Variants in SNTG1 observed in about 807,000 individuals in gnomAD.
SNTG1 encodes the protein syntrophin gamma 1.
SNTG1 carries 39 observed loss-of-function variants against 74.7 expected under a neutral mutation model. The ratio of observed to expected loss-of-function variants is 0.52; its 90% CI spans 0.40 to 0.68. The LOEUF (loss-of-function observed/expected upper bound fraction) is 0.68, where lower values mean the gene tolerates loss of function less well. Ranked by LOEUF, SNTG1 falls within the 30% of genes least tolerant of loss-of-function variation. The pLI is 0.00. For missense variants in SNTG1, 685 were observed against 609.5 expected (o/e 1.12, Z -1.30); for synonymous variants, 254 against 217.1 (o/e 1.17, Z -1.49).
At chr8:50,437,568 G>A (rs1055068875) in intron 4 of SNTG1, among the ~76,000 whole-genome samples, 9 of 152,116 alleles carry the variant, frequency 5.9e-5, no homozygotes, top group African/African-American at 1.9e-4. Flanking sequence ...AAGAAAGAGG[G>A]CAGTATTTAC....
intron 9 of SNTG1, among the ~76,000 whole-genome samples, chr8:50,511,121 C>T (rs1472443806): frequency 2.0e-5 from 3 of 152,076 alleles, no homozygotes; most frequent in Non-Finnish European, 4.4e-5. Context: ...TTGTGTCTTT[C>T]TTCTCATTGG....
chr8:50,341,331 A>AT, intron 2 of SNTG1, among the ~76,000 whole-genome samples: 1 of 151,948 alleles, frequency 6.6e-6, no homozygotes, highest in African/African-American at 2.4e-5. Flanking sequence ...TGACTAACAT[A>AT]TTTTTTCTCT....
intron 18 of SNTG1, among the ~76,000 whole-genome samples, chr8:50,790,055 T>G (rs2095686632): frequency 6.6e-6 from 1 of 152,030 alleles, no homozygotes; most frequent in Non-Finnish European, 1.5e-5. Flanking sequence ...CCATCTTCCC[T>G]TTCAAGTTCC....
At chr8:50,235,846 T>G (rs1000720792) in intron 2 of SNTG1, among the ~76,000 whole-genome samples, 6 of 152,088 alleles carry the variant, frequency 3.9e-5, no homozygotes, top group African/African-American at 1.4e-4. Flanking sequence ...TAAAATATGT[T>G]AGCAGTTTCT....
rs2094737514 is a variant in SNTG1, at chr8:50,597,388, T to TATATATAC, written c.849+6472_849+6473insTATATACA. 2.8e-4 allele frequency among the ~76,000 whole-genome samples: 27 copies of TATATATAC among 96,300 alleles called. No homozygotes were observed. The African/African-American group carries it at 3.6e-3, about 13-fold the overall frequency. 63.2% of individuals were successfully genotyped at this position (96,300 alleles called of 152,430 possible). On this transcript the variant is annotated intron_variant, in intron 13 of 18. Coordinates refer to ENST00000642720, the MANE Select transcript of SNTG1 (RefSeq NM_018967.5). ...ATATACATGTATATATACACATATATACATATATACATATATACATATATA... is the reference window on the plus strand; with the variant it reads ...ATATACATGTATATATACACATATATATATATACACATATATACATATATACATATATA...
chr8:50,595,147 A>C (rs1483146649), intron 13 of SNTG1, among the ~76,000 whole-genome samples: 3 of 151,958 alleles, frequency 2.0e-5, no homozygotes, highest in Non-Finnish European at 4.4e-5. Context: ...TTTGAGAAAG[A>C]AACTCTCCTA....
intron 1 of SNTG1, among the ~76,000 whole-genome samples, chr8:50,103,805 T>G (rs2131254859): frequency 6.6e-6 from 1 of 152,342 alleles, no homozygotes; most frequent in African/African-American, 2.4e-5. Context: ...TTTTCCTGCA[T>G]CTATTGAGAT....
intron 12 of SNTG1, among the ~76,000 whole-genome samples, chr8:50,565,977 G>C (rs1006737218): frequency 6.6e-6 from 1 of 151,736 alleles, no homozygotes; most frequent in African/African-American, 2.4e-5. Context: ...ATTTTTTTAC[G>C]GAAATTTTCA....
At chr8:50,724,365 T>C (rs1356936319) in intron 17 of SNTG1, among the ~76,000 whole-genome samples, 1 of 152,158 alleles carries the variant, frequency 6.6e-6, no homozygotes, top group African/African-American at 2.4e-5. Context: ...TAGTTTTAGT[T>C]GAATATGTGG....
intron 4 of SNTG1, among the ~76,000 whole-genome samples, chr8:50,423,210 G>A (rs1051741391): frequency 3.3e-5 from 5 of 152,170 alleles, no homozygotes; most frequent in Admixed American, 1.3e-4. Context: ...GAGATACAAG[G>A]AAAATCTTCA....
At chr8:50,261,728 GTA>G (rs2087202739) in intron 2 of SNTG1, among the ~76,000 whole-genome samples, 1 of 151,978 alleles carries the variant, frequency 6.6e-6, no homozygotes, top group African/African-American at 2.4e-5. Flanking sequence ...AGACGTAAAT[GTA>G]AATTGCAAAT....
rs115070633 is a variant in SNTG1 at position 50,015,096 on chromosome 8, T to C, written c.-103+102865T>C. ...GGGGAACAATTTAAGTCAGTGAACC[T>C]ACATGCATACAAAACTGAGGGAAAC... is the stretch of plus-strand genomic sequence containing the variant. On this transcript the variant is annotated intron_variant, in intron 1 of 18. Transcript: ENST00000642720. Among the ~76,000 whole-genome samples, 600 of 150,976 alleles carry C rather than the reference T, an allele frequency of 4.0e-3. 8 individuals are homozygous for C. Among genetic ancestry groups the C allele is most frequent in the African/African-American group, 0.012 (500 of 41,280 alleles).
intron 2 of SNTG1, among the ~76,000 whole-genome samples, chr8:50,318,058 G>T (rs1007907995): frequency 1.3e-5 from 2 of 151,906 alleles, no homozygotes; most frequent in African/African-American, 4.8e-5. Context: ...GGAAGGTCTC[G>T]ATCTCCTGAC....
rs1806698010 is a variant in SNTG1 at position 49,923,072 on chromosome 8, A to G, written c.-103+10841A>G. On this transcript the variant is annotated intron_variant, in intron 1 of 18. Coordinates refer to ENST00000642720, the MANE Select transcript of SNTG1 (RefSeq NM_018967.5). ...CCCTTTTTCTTAGGTCTCATGAATC[A>G]TATTTCAAGCAATATATGCATATTA... 2.0e-5 allele frequency among the ~76,000 whole-genome samples: 3 copies of G among 152,182 alleles called. No individual in the cohort carries two copies. In the South Asian group the frequency reaches 6.2e-4, roughly 31 times the overall value.
intron 15 of SNTG1, among the ~76,000 whole-genome samples, chr8:50,690,887 C>T (rs1008422159): frequency 1.3e-5 from 2 of 152,136 alleles, no homozygotes; most frequent in African/African-American, 4.8e-5. Flanking sequence ...GAGTCTAAGT[C>T]TCTTTGTAGG....
chr8:50,051,077 T>G (rs1034211177), intron 1 of SNTG1, among the ~76,000 whole-genome samples: 4 of 151,998 alleles, frequency 2.6e-5, no homozygotes, highest in Non-Finnish European at 4.4e-5. Context: ...CCCCTAAGAC[T>G]GGGAACAAGA....
rs1025000273 is a variant in SNTG1 at position 50,363,663 on chromosome 8, TACAA to T, written c.-27-30545_-27-30542del. Among the ~76,000 whole-genome samples, 7 of 152,300 alleles carry T rather than the reference TACAA, an allele frequency of 4.6e-5. No individual in the cohort carries two copies. In the South Asian group the frequency reaches 8.3e-4, roughly 18 times the overall value. On this transcript the variant is annotated intron_variant, in intron 2 of 18. Coordinates refer to ENST00000642720, the MANE Select transcript of SNTG1 (RefSeq NM_018967.5). The stretch of plus-strand genomic sequence containing the variant: ...TGACATCTTTTTTTATTAGATTGAA[TACAA>T]ACACTTTTTTTTCTGTAAGAGGACT...
intron 2 of SNTG1, among the ~76,000 whole-genome samples, chr8:50,385,584 T>A (rs1257464679): frequency 6.6e-6 from 1 of 152,188 alleles, no homozygotes; most frequent in Non-Finnish European, 1.5e-5. Flanking sequence ...CACTGTGGAA[T>A]CTTGTGGAAA....
At chr8:50,513,190 C>G (rs2094099665) in intron 9 of SNTG1, among the ~76,000 whole-genome samples, 1 of 152,190 alleles carries the variant, frequency 6.6e-6, no homozygotes, top group Non-Finnish European at 1.5e-5. Flanking sequence ...ACTCCAGACC[C>G]TGTTTGCCTG....
Sources: allele counts gnomAD v4.1 joint callset (sites outside exome capture counted in the v4.1 genomes callset), GRCh38; gene constraint gnomAD v4.1.1; transcripts MANE v1.5; gene names NCBI Gene and HGNC (gene_info 2026-07-23, HGNC 2026-07-21).